ASS1: variants seen among roughly 807,000 people sequenced by gnomAD.
ASS1 encodes the protein argininosuccinate synthase.
In ASS1, 58 loss-of-function variants were observed where a neutral mutation model predicts 60.5. The ratio of observed to expected loss-of-function variants is 0.96; its 90% CI spans 0.78 to 1.19. The LOEUF (loss-of-function observed/expected upper bound fraction) is 1.19. Ranked by LOEUF, ASS1 falls within the 50% of genes most tolerant of loss-of-function variation. The probability of loss-of-function intolerance (pLI) is 0.00; values close to 1 mark genes in which losing one functional copy is unlikely to be tolerated. For synonymous variants in ASS1, 200 were observed against 206.9 expected, an observed-to-expected ratio of 0.97 and a Z score of 0.29; for missense variants, 454 against 547.3, an observed-to-expected ratio of 0.83 and a Z score of 1.70.
At chr9:130,479,900 G>T in intron 10 of ASS1, 100 bp downstream of exon 10, 1 of 1,335,082 alleles carries the variant, frequency 7.5e-7, no homozygotes, top group Admixed American at 1.7e-5. Flanking sequence ...AGGCTCAGGG[G>T]TGCGGAGCAC....
intron 3 of ASS1, among the ~76,000 whole-genome samples, chr9:130,456,365 C>T (rs1845450000): frequency 6.6e-6 from 1 of 152,062 alleles, no homozygotes; most frequent in African/African-American, 2.4e-5. Context: ...GCTCGGGAGG[C>T]TGAGGCAGGA....
At chr9:130,445,083 C>T (rs1429852805) in intron 1 of ASS1, 88 bp downstream of exon 1, 1 of 938,176 alleles carries the variant, frequency 1.1e-6, no homozygotes, top group Non-Finnish European at 1.3e-6. Context: ...TAGAAGACGC[C>T]CGCCCCGGGG....
intron 11 of ASS1, among the ~76,000 whole-genome samples, chr9:130,486,537 T>C (rs987349957): frequency 6.6e-6 from 1 of 152,200 alleles, no homozygotes; most frequent in Non-Finnish European, 1.5e-5. Flanking sequence ...ACGGACCCAT[T>C]TGAACTGTTT....
chr9:130,471,245 G>A (rs1003453060), intron 7 of ASS1, among the ~76,000 whole-genome samples: 1 of 152,162 alleles, frequency 6.6e-6, no homozygotes. Context: ...CCCCAACCAC[G>A]TGCAGAGCCC....
intron 4 of ASS1, among the ~76,000 whole-genome samples, chr9:130,461,184 TC>T (rs1845581583): frequency 9.2e-6 from 1 of 108,954 alleles, no homozygotes; most frequent in African/African-American, 4.0e-5. Flanking sequence ...AGGGCGGCAT[TC>T]AGGTCTGGTG....
intron 5 of ASS1, 96 bp downstream of exon 5, chr9:130,464,263 G>T: frequency 6.9e-7 from 1 of 1,451,578 alleles, no homozygotes. Context: ...CACAGGACAG[G>T]CACAGAATCT....
At chr9:130,451,588 T>G in intron 1 of ASS1, 2 of 350,506 alleles carry the variant, frequency 5.7e-6, no homozygotes, top group South Asian at 4.3e-5. Flanking sequence ...CACAGCATCC[T>G]TCTCCACCTG....
intron 5 of ASS1, among the ~76,000 whole-genome samples, chr9:130,465,240 T>C (rs1165938023): frequency 6.6e-6 from 1 of 151,728 alleles, no homozygotes; most frequent in Non-Finnish European, 1.5e-5. Context: ...AGGCTGGTCT[T>C]GAACTCCTGA....
intron 14 of ASS1, among the ~76,000 whole-genome samples, chr9:130,500,250 A>C (rs1487228556): frequency 1.3e-5 from 2 of 152,182 alleles, no homozygotes; most frequent in Non-Finnish European, 2.9e-5. Flanking sequence ...CCAGCAGCTA[A>C]CATAGACTAA....
intron 6 of ASS1, 129 bp downstream of exon 6, chr9:130,466,928 TC>T: frequency 9.2e-7 from 1 of 1,081,884 alleles, no homozygotes; most frequent in Non-Finnish European, 1.4e-6. Context: ...GGATTGAACT[TC>T]CACCCCAGCT....
At chr9:130,454,273 G>A in intron 2 of ASS1, 32 bp from the exon 3 acceptor site, 1 of 1,601,360 alleles carries the variant, frequency 6.2e-7, no homozygotes, top group Non-Finnish European at 8.5e-7. Context: ...CCCCCCAGGG[G>A]CTGACGGAGC....
At chr9:130,461,276 C>G (rs2131876792) in intron 4 of ASS1, among the ~76,000 whole-genome samples, 1 of 152,312 alleles carries the variant, frequency 6.6e-6, no homozygotes, top group African/African-American at 2.4e-5. Flanking sequence ...GACCCCCACC[C>G]CGGACCAGCC....
chr9:130,487,400 G>GT (rs34339017), intron 11 of ASS1, among the ~76,000 whole-genome samples: 47,362 of 147,382 alleles, frequency 0.32, 8,877 homozygotes, highest in Middle Eastern at 0.49. Flanking sequence ...ATCCTTCATG[G>GT]TTTTTTTTTT....
chr9:130,470,953 A>G lies in ASS1; in HGVS notation c.566+49A>G. The G allele has an allele frequency of 1.3e-6, 2 of 1,597,450 alleles. No homozygotes were observed. The highest frequency in any genetic ancestry group is 1.7e-6 in the Non-Finnish European group (2 of 1,165,600). ...CTTGGTCCTCCCGGGCTCATTCCAA[A>G]GGACGGCCACGCGCTGCCCCAGGAC... On this transcript the variant is annotated intron_variant, in intron 7 of 14. Coordinates refer to ENST00000352480, the MANE Select transcript of ASS1 (RefSeq NM_054012.4). The surrounding 1 kb of genome is among the most constrained non-coding windows in gnomAD (Gnocchi z 4.3).
At chr9:130,465,436 AT>A (rs1422585171) in intron 5 of ASS1, among the ~76,000 whole-genome samples, 2 of 152,266 alleles carry the variant, frequency 1.3e-5, no homozygotes, top group Non-Finnish European at 2.9e-5. Context: ...ATGTAAAAAA[AT>A]AATTATTAAT....
At chr9:130,479,933 CCA>C in intron 10 of ASS1, 133 bp downstream of exon 10, 1 of 1,077,768 alleles carries the variant, frequency 9.3e-7, no homozygotes, top group Non-Finnish European at 1.4e-6. Flanking sequence ...TTCCCCATAG[CCA>C]CAGAGTTTCC....
chr9:130,494,879 G>A lies in ASS1; in HGVS notation c.983G>A (p.Ser328Asn), dbSNP rs1224833895. The change falls in exon 13 of 15, where the codon AGC becomes AAC. Residue 328 changes from serine to asparagine, a missense_variant. Coordinates refer to ENST00000352480, the MANE Select transcript of ASS1 (RefSeq NM_054012.4). This position sits in a 1 kb window ranked among gnomAD's most constrained non-coding sequence, Gnocchi z 4.3. ...TTCCTCCCTGTAGGTTTCTGGCACAGCCCTGAGTGTGAATTTGTCCGCCAC... is the reference window on the plus strand; with the variant it reads ...TTCCTCCCTGTAGGTTTCTGGCACAACCCTGAGTGTGAATTTGTCCGCCAC... Reference protein sequence around the residue: ...AELVYTGFWHSPECEFVRHCI... With the variant: ...AELVYTGFWHNPECEFVRHCI... 6.2e-7 allele frequency: 1 copy of A among 1,613,422 alleles called. No individual in the cohort carries two copies.
intron 8 of ASS1, among the ~76,000 whole-genome samples, chr9:130,473,837 G>A (rs1018307660): frequency 6.6e-6 from 1 of 152,158 alleles, no homozygotes; most frequent in Non-Finnish European, 1.5e-5. Context: ...AACTTCATAC[G>A]GTCCACAGTG....
rs536686957 is a variant in ASS1 at position 130,445,849 on chromosome 9, A to G, written c.-6+854A>G. ...CTCCCGAGCAGCCGAGTCAGGCTGC[A>G]GGTCTCAGGGCAGGAACAGACCTGT... On this transcript the variant is annotated intron_variant, in intron 1 of 14. Transcript: ENST00000352480. Among the ~76,000 whole-genome samples the G allele has an allele frequency of 3.9e-5, 6 of 152,250 alleles. No homozygotes were observed. In the South Asian group the frequency reaches 1.2e-3, roughly 32 times the overall value.
Sources: gnomAD v4.1 joint callset for allele counts (sites outside exome capture counted in the v4.1 genomes callset) on GRCh38, gnomAD v4.1.1 for gene constraint, Gnocchi (gnomAD v3.1) non-coding constraint, MANE v1.5 for transcripts, NCBI Gene and HGNC (gene_info 2026-07-23, HGNC 2026-07-21) for gene names.